DIP2C: variants seen among roughly 807,000 people sequenced by gnomAD.
The protein encoded by DIP2C is DIP2 acetate--CoA ligase C (putative).
In DIP2C, 33 loss-of-function variants were observed where a neutral mutation model predicts 192.4. The observed-to-expected ratio is 0.17, with a 90% CI of 0.13 to 0.23. The LOEUF (loss-of-function observed/expected upper bound fraction) is 0.23, where lower values mean the gene tolerates loss of function less well. Among genes scored for constraint, DIP2C ranks in the 10% least tolerant of loss-of-function variants. The pLI is 1.00. For missense variants in DIP2C, 1,537 were observed against 2,110.1 expected (o/e 0.73, Z 5.32); for synonymous variants, 979 against 864.1 (o/e 1.13, Z -2.33).
chr10:665,189 C>G (rs2132105146), intron 1 of DIP2C: 1 of 152,262 alleles, frequency 6.6e-6, no homozygotes, highest in Non-Finnish European at 1.5e-5. Context: ...TCTCTTGACC[C>G]TAATTTATTT....
intron 1 of DIP2C, among the ~76,000 whole-genome samples, chr10:581,790 C>CA (rs1260342135): frequency 1.3e-5 from 2 of 152,106 alleles, no homozygotes; most frequent in Non-Finnish European, 1.5e-5. Flanking sequence ...GAGAAGCCTT[C>CA]AATCCCCCAC....
chr10:686,369 C>T (rs990416894), intron 1 of DIP2C, among the ~76,000 whole-genome samples: 1 of 151,160 alleles, frequency 6.6e-6, no homozygotes, highest in Admixed American at 6.6e-5. Context: ...TCCCCACCTG[C>T]ACAGCCTCCT....
At chr10:679,877 C>T (rs1388877557) in intron 1 of DIP2C, among the ~76,000 whole-genome samples, 2 of 152,186 alleles carry the variant, frequency 1.3e-5, no homozygotes, top group Non-Finnish European at 2.9e-5. Context: ...CCTGGAATCG[C>T]CTGGATAAAT....
chr10:407,108 C>G (rs772758880), intron 9 of DIP2C, among the ~76,000 whole-genome samples: 1 of 152,224 alleles, frequency 6.6e-6, no homozygotes, highest in Non-Finnish European at 1.5e-5. Context: ...GTCTCCCGCA[C>G]AGCCAGCTCT....
chr10:673,634 T>C (rs555277709), intron 1 of DIP2C, among the ~76,000 whole-genome samples: 2 of 152,182 alleles, frequency 1.3e-5, no homozygotes, highest in Non-Finnish European at 2.9e-5. Flanking sequence ...CATGTGCCCA[T>C]ACTCCTTCCC....
chr10:529,857 G>A (rs369270156), intron 1 of DIP2C, among the ~76,000 whole-genome samples: 49 of 151,766 alleles, frequency 3.2e-4, no homozygotes, highest in Admixed American at 2.2e-3. Flanking sequence ...ATGGCTCATC[G>A]CGGCCTTGAC....
chr10:517,080 G>A (rs949622783), intron 1 of DIP2C, among the ~76,000 whole-genome samples: 5 of 151,832 alleles, frequency 3.3e-5, no homozygotes, highest in African/African-American at 4.8e-5. Flanking sequence ...ACAGTCAAAC[G>A]TTGACAGACT....
At chr10:325,301 A>C (rs1443557514) in intron 31 of DIP2C, among the ~76,000 whole-genome samples, 2 of 152,106 alleles carry the variant, frequency 1.3e-5, no homozygotes, top group Non-Finnish European at 2.9e-5. Flanking sequence ...TTTTGGATCC[A>C]GGTGGATGGA....
chr10:590,758 C>T (rs935707780), intron 1 of DIP2C, among the ~76,000 whole-genome samples: 2 of 152,170 alleles, frequency 1.3e-5, no homozygotes, highest in Non-Finnish European at 2.9e-5. Flanking sequence ...AACCCAGAAA[C>T]GCTATTGAAA....
At chr10:308,025 A>G (rs1956406302) in intron 32 of DIP2C, among the ~76,000 whole-genome samples, 1 of 134,194 alleles carries the variant, frequency 7.5e-6, no homozygotes, top group Non-Finnish European at 1.5e-5. Context: ...GTCCATCTGG[A>G]GGGCAGCAGG....
chr10:412,863 C>T (rs1339914534), intron 8 of DIP2C, among the ~76,000 whole-genome samples: 1 of 152,198 alleles, frequency 6.6e-6, no homozygotes, highest in Non-Finnish European at 1.5e-5. Context: ...CTGTACTATC[C>T]CAAGAGTCTA....
At chr10:607,904 G>A (rs1480494214) in intron 1 of DIP2C, among the ~76,000 whole-genome samples, 2 of 151,906 alleles carry the variant, frequency 1.3e-5, no homozygotes, top group Non-Finnish European at 2.9e-5. Context: ...TAAGACGTAC[G>A]ACTCTGTAAT....
At chr10:320,762 TAAC>T (rs760927272) in intron 31 of DIP2C, among the ~76,000 whole-genome samples, 1 of 152,026 alleles carries the variant, frequency 6.6e-6, no homozygotes, top group Non-Finnish European at 1.5e-5. Context: ...CTACAAACAC[TAAC>T]AACAACAAAG....
At chr10:551,026 C>T (rs1848557802) in intron 1 of DIP2C, among the ~76,000 whole-genome samples, 2 of 151,976 alleles carry the variant, frequency 1.3e-5, no homozygotes, top group African/African-American at 4.8e-5. Flanking sequence ...ATTTCCCCCT[C>T]TGCCCTCACT....
intron 31 of DIP2C, among the ~76,000 whole-genome samples, chr10:326,104 C>G (rs1957261512): frequency 6.6e-6 from 1 of 152,072 alleles, no homozygotes; most frequent in South Asian, 2.1e-4. Flanking sequence ...TTGCTTGAGC[C>G]TGGGAGCGGG....
intron 14 of DIP2C, among the ~76,000 whole-genome samples, chr10:386,960 C>T (rs777947987): frequency 2.0e-5 from 3 of 152,306 alleles, no homozygotes; most frequent in Non-Finnish European, 2.9e-5. Context: ...GGCACGTCAT[C>T]CAGGGCACTC....
intron 2 of DIP2C, among the ~76,000 whole-genome samples, chr10:476,953 G>A (rs1843078658): frequency 6.6e-6 from 1 of 150,530 alleles, no homozygotes; most frequent in Non-Finnish European, 1.5e-5. Context: ...GCTGGCCACA[G>A]GATGGGCTCG....
chr10:356,542 C>A lies in DIP2C; in HGVS notation c.2905-36G>T, dbSNP rs368443868. On this transcript the variant is annotated intron_variant, in intron 23 of 36. Transcript: ENST00000280886. ...GCACGGGCATGAGGATCAGGCTGTG[C>A]GGTTGGATCAGGCTGTGCGGGCTGA... 1.9e-6 allele frequency: 3 copies of A among 1,578,150 alleles called. No homozygotes were observed. In the African/African-American group the frequency reaches 4.2e-5, roughly 22 times the overall value.
chr10:414,625 T>G (rs1965419102), intron 7 of DIP2C, among the ~76,000 whole-genome samples: 1 of 151,028 alleles, frequency 6.6e-6, no homozygotes, highest in African/African-American at 2.4e-5. Context: ...TCCTCCCACT[T>G]CAGCCTCTGC....
Sources: gnomAD v4.1 joint callset for allele counts (sites outside exome capture counted in the v4.1 genomes callset) on GRCh38, gnomAD v4.1.1 for gene constraint, MANE v1.5 for transcripts, NCBI Gene and HGNC (gene_info 2026-07-23, HGNC 2026-07-21) for gene names.